Variants in LITAF observed in about 807,000 individuals in gnomAD.
The protein encoded by LITAF is lipopolysaccharide induced TNF factor, also known as lipopolysaccharide-induced tumor necrosis factor-alpha factor.
Under a neutral mutation model 14.5 loss-of-function variants are expected in LITAF, and 9 were observed. That is an observed-to-expected ratio of 0.62 (90% CI 0.37 to 1.08). The LOEUF (loss-of-function observed/expected upper bound fraction) is 1.08, where lower values mean the gene tolerates loss of function less well. Among genes scored for constraint, LITAF ranks in the 50% least tolerant of loss-of-function variants. The pLI is 0.01. For missense variants in LITAF, 206 were observed against 213.4 expected (o/e 0.97, Z 0.22); for synonymous variants, 98 against 88.2 (o/e 1.11, Z -0.62).
chr16:11,587,253 C>G (rs1298169802), upstream of LITAF: 5 of 400,650 alleles, frequency 1.2e-5, no homozygotes, highest in Non-Finnish European at 2.5e-5. Context: ...GCCTGGCCCT[C>G]CCTCCTGATT....
At chr16:11,593,928 G>A (rs1009581754) in intron 1 of LITAF, among the ~76,000 whole-genome samples, 1 of 152,136 alleles carries the variant, frequency 6.6e-6, no homozygotes, top group Non-Finnish European at 1.5e-5. Flanking sequence ...TGTAATTCCA[G>A]TACTTTGGGA....
intron 3 of LITAF, among the ~76,000 whole-genome samples, chr16:11,618,912 G>C (rs143553286): frequency 0.022 from 3,286 of 152,056 alleles, 136 homozygotes; most frequent in African/African-American, 0.076. Flanking sequence ...GAACCTGGGA[G>C]GTGGAGGTTG....
At chr16:11,617,109 A>C (rs1398106339) in intron 3 of LITAF, among the ~76,000 whole-genome samples, 1 of 152,064 alleles carries the variant, frequency 6.6e-6, no homozygotes, top group Non-Finnish European at 1.5e-5. Flanking sequence ...GGTCCCAGCT[A>C]CTTGAGAGGC....
rs1314969136 is a variant in LITAF at position 11,548,449 on chromosome 16, A to C, written c.*1188T>G. ...CACCATGGTACCCAGACATGCTCAA[A>C]ATGTGCTTTCCCTTATCTTTCAAAA... On this transcript the variant is annotated 3_prime_UTR_variant, in exon 4 of 4. Transcript: ENST00000622633. 1 of 453,820 alleles carries C rather than the reference A, an allele frequency of 2.2e-6. No homozygotes were observed. Among genetic ancestry groups the C allele is most frequent in the East Asian group, 6.9e-5 (1 of 14,400 alleles). 28.1% of individuals were successfully genotyped at this position (453,820 alleles called of 1,614,324 possible).
At chr16:11,609,099 G>A (rs1267478778) in intron 3 of LITAF, among the ~76,000 whole-genome samples, 1 of 152,176 alleles carries the variant, frequency 6.6e-6, no homozygotes, top group Non-Finnish European at 1.5e-5. Context: ...AAATTAGACA[G>A]CGATGGCTAA....
At chr16:11,608,687 G>A (rs1042631912) in intron 3 of LITAF, among the ~76,000 whole-genome samples, 8 of 152,226 alleles carry the variant, frequency 5.3e-5, no homozygotes, top group African/African-American at 1.9e-4. Flanking sequence ...AGGGGGCCAG[G>A]CGCAGTGGCT....
chr16:11,599,977 T>A (rs1263859013), upstream of LITAF, among the ~76,000 whole-genome samples: 1 of 152,108 alleles, frequency 6.6e-6, no homozygotes, highest in Non-Finnish European at 1.5e-5. Context: ...TCTGTTGCAC[T>A]ACCATCTCCT....
chr16:11,566,956 G>A (rs1040969549), intron 1 of LITAF, among the ~76,000 whole-genome samples: 14 of 152,192 alleles, frequency 9.2e-5, no homozygotes, highest in African/African-American at 3.1e-4. Flanking sequence ...AAGGTAACAC[G>A]AGGATTTATG....
intron 1 of LITAF, among the ~76,000 whole-genome samples, chr16:11,594,357 C>T (rs2064868513): frequency 6.6e-6 from 1 of 151,898 alleles, no homozygotes; most frequent in Admixed American, 6.6e-5. Context: ...CAAGAGGAGG[C>T]CAGGCAGGCT....
In LITAF at chr16:11,616,985, C is replaced by T. The variant is rs572200887; in HGVS notation, c.85+16548G>A. Among the ~76,000 whole-genome samples the T allele has an allele frequency of 8.8e-4, 133 of 151,148 alleles. 1 individual carries two copies. The highest frequency in any genetic ancestry group is 2.9e-3 in the African/African-American group (118 of 41,158). On this transcript the variant is annotated intron_variant, in intron 3 of 3. Transcript: ENST00000574848. ...CTGTAATCCCAACACTTTGGGAGGC[C>T]GAGGCAGGCAGATCACCTGAGGTCA...
intron 3 of LITAF, among the ~76,000 whole-genome samples, chr16:11,625,998 C>A (rs2141900011): frequency 6.6e-6 from 1 of 152,254 alleles, no homozygotes; most frequent in Admixed American, 6.5e-5. Context: ...GTGGCAGAAC[C>A]AGGATTTGAA....
intron 3 of LITAF, among the ~76,000 whole-genome samples, chr16:11,618,982 T>TAAA (rs1411165936): frequency 7.4e-5 from 9 of 120,986 alleles, no homozygotes; most frequent in African/African-American, 3.3e-4. Context: ...GACTCGGTCT[T>TAAA]AAAAAAAAAA....
intron 1 of LITAF, among the ~76,000 whole-genome samples, chr16:11,580,637 G>A (rs12448494): frequency 0.15 from 23,042 of 152,064 alleles, 1,890 homozygotes; most frequent in South Asian, 0.23. Flanking sequence ...GCTACTCTGA[G>A]ACAACTTTCA....
At position 11,556,506 on chromosome 16, in the gene LITAF, C is replaced by T. The variant is rs745828676; in HGVS notation, c.220+5G>A. ...GGTAAGGGGGGCCTGGGAGGCCACA[C>T]GTACTTGGATTGTTATTGGGGATGG... On this transcript the variant is annotated splice_donor_5th_base_variant and intron_variant, in intron 2 of 3. Coordinates refer to ENST00000622633, the MANE Select transcript of LITAF (RefSeq NM_001136472.2). 1.2e-6 allele frequency: 2 copies of T among 1,610,850 alleles called. No homozygotes were observed. Among genetic ancestry groups the T allele is most frequent in the Non-Finnish European group, 1.7e-6 (2 of 1,177,526 alleles).
chr16:11,631,506 A>T (rs1174064864), intron 3 of LITAF, among the ~76,000 whole-genome samples: 2 of 152,188 alleles, frequency 1.3e-5, no homozygotes, highest in Admixed American at 1.3e-4. Context: ...GGTGATCCTC[A>T]GCCTTCTAAG....
chr16:11,614,636 G>T (rs1168008880), intron 3 of LITAF, among the ~76,000 whole-genome samples: 1 of 151,748 alleles, frequency 6.6e-6, no homozygotes, highest in Non-Finnish European at 1.5e-5. Flanking sequence ...GTCTTACTCT[G>T]TCACCCAGAC....
chr16:11,609,183 T>C (rs1433874370), intron 3 of LITAF, among the ~76,000 whole-genome samples: 1 of 151,722 alleles, frequency 6.6e-6, no homozygotes, highest in African/African-American at 2.4e-5. Context: ...CACAATTCTA[T>C]AAACTAAAAG....
At chr16:11,552,374 T>C (rs1470418830) in intron 3 of LITAF, among the ~76,000 whole-genome samples, 1 of 147,698 alleles carries the variant, frequency 6.8e-6, no homozygotes, top group Non-Finnish European at 1.5e-5. Flanking sequence ...GGTGCAGACA[T>C]AAAATTTATA....
rs555962300 is a variant in LITAF, at chr16:11,568,494, A to T, written c.-5-11759T>A. On this transcript the variant is annotated intron_variant, in intron 1 of 3. Coordinates refer to ENST00000622633, the MANE Select transcript of LITAF (RefSeq NM_001136472.2). ...AGGTGTCATCCGTTCCCCAGAAATG[A>T]CACTGGCTTTCTTCATGGGTATCAA... Among the ~76,000 whole-genome samples, 3 of 152,084 alleles carry T rather than the reference A, an allele frequency of 2.0e-5. No individual in the cohort carries two copies. The South Asian group carries it at 6.2e-4, about 32-fold the overall frequency.
Sources: allele counts gnomAD v4.1 joint callset (sites outside exome capture counted in the v4.1 genomes callset), GRCh38; gene constraint gnomAD v4.1.1; transcripts MANE v1.5; gene names NCBI Gene and HGNC (gene_info 2026-07-23, HGNC 2026-07-21).